Variants in CLMN observed in about 807,000 individuals in gnomAD.
CLMN encodes the protein calmin.
In CLMN, 57 loss-of-function variants were observed where a neutral mutation model predicts 92.7. The ratio of observed to expected loss-of-function variants is 0.61; its 90% CI spans 0.50 to 0.77. The LOEUF is 0.77. Ranked by LOEUF, CLMN falls within the 30% of genes least tolerant of loss-of-function variation. The probability of loss-of-function intolerance (pLI) is 0.00; values close to 1 mark genes in which losing one functional copy is unlikely to be tolerated. For missense variants in CLMN, 1,158 were observed against 1,237.5 expected (o/e 0.94, Z 0.96); for synonymous variants, 466 against 470.6 (o/e 0.99, Z 0.13).
Position 95,189,652 on chromosome 14 carries a change from C to A in CLMN, c.*1912G>T, listed in dbSNP as rs1172885368. The stretch of plus-strand genomic sequence containing the variant: ...CATTTGGGTTGGCTCTTCCCAGGCT[C>A]TTCGAGCATCTAATTTAGGCAAGGA... On this transcript the variant is annotated 3_prime_UTR_variant, in exon 13 of 13. Transcript: ENST00000298912. 1 of 152,228 alleles carries A rather than the reference C, an allele frequency of 6.6e-6. No homozygotes were observed. Among genetic ancestry groups the A allele is most frequent in the Non-Finnish European group, 1.5e-5 (1 of 68,056 alleles). The allele number at this position is 152,228 out of a possible 1,614,324, so 9.4% of individuals were successfully genotyped here. A position where few individuals can be genotyped will look rare whatever the true frequency, so the allele number is the denominator to read the frequency against.
At chr14:95,270,532 T>C (rs1309829995) in intron 1 of CLMN, among the ~76,000 whole-genome samples, 2 of 152,254 alleles carry the variant, frequency 1.3e-5, no homozygotes, top group Admixed American at 6.5e-5. Context: ...TGGAATCATA[T>C]AATATGTGGC....
At chr14:95,220,169 CTTTTTTTTTTT>C (rs767326601) in intron 4 of CLMN, among the ~76,000 whole-genome samples, 3 of 71,796 alleles carry the variant, frequency 4.2e-5, no homozygotes, top group Non-Finnish European at 7.3e-5. Flanking sequence ...GGATAGGTCC[CTTTTTTTTTTT>C]TTTTTTTTTT....
Position 95,215,740 on chromosome 14 carries a change from G to A in CLMN, c.325-7C>T. On this transcript the variant is annotated splice_polypyrimidine_tract_variant and splice_region_variant and intron_variant, in intron 4 of 12. Transcript: ENST00000298912. ...CAATGCTAACCAGTTTTACCTGGAG[G>A]GAAGCAATTTATGAACTTAAAGCGA... 6.2e-7 allele frequency: 1 copy of A among 1,611,802 alleles called. No homozygotes were observed. Among genetic ancestry groups the A allele is most frequent in the Non-Finnish European group, 8.5e-7 (1 of 1,178,056 alleles).
At chr14:95,290,688 C>T (rs545968243) in intron 1 of CLMN, among the ~76,000 whole-genome samples, 1 of 152,328 alleles carries the variant, frequency 6.6e-6, no homozygotes, top group East Asian at 1.9e-4. Flanking sequence ...TTCTGACCTC[C>T]AGAACTGTGA....
Position 95,191,790 on chromosome 14 carries a change from C to A in CLMN, c.2841-58G>T. ...CAAGCAGGTTCCCAGGAAAGTGGAC[C>A]CCACCCAGTGCTACCCGTCTCTCCC... On this transcript the variant is annotated intron_variant, in intron 12 of 12. Transcript: ENST00000298912. This position sits in a 1 kb window ranked among gnomAD's most constrained non-coding sequence, Gnocchi z 5.3. The A allele has an allele frequency of 2.0e-6, 3 of 1,523,674 alleles. No homozygotes were observed. Among genetic ancestry groups the A allele is most frequent in the Non-Finnish European group, 2.7e-6 (3 of 1,131,494 alleles). 94.4% of individuals were successfully genotyped at this position (1,523,674 alleles called of 1,614,324 possible).
At chr14:95,209,747 A>G (rs1897142534) in intron 7 of CLMN, among the ~76,000 whole-genome samples, 1 of 152,228 alleles carries the variant, frequency 6.6e-6, no homozygotes, top group Non-Finnish European at 1.5e-5. Flanking sequence ...TCCCTTCCAC[A>G]GTAAGCAGCC....
chr14:95,204,590 A>C, intron 8 of CLMN, 127 bp from the exon 9 acceptor site: 2 of 899,960 alleles, frequency 2.2e-6, no homozygotes, highest in Non-Finnish European at 3.2e-6. Context: ...CAAAACACAA[A>C]CAAACAAAAA....
intron 2 of CLMN, among the ~76,000 whole-genome samples, chr14:95,226,116 G>C (rs1184644660): frequency 3.3e-5 from 5 of 152,202 alleles, no homozygotes; most frequent in Admixed American, 3.3e-4. Context: ...GGCCTGTACA[G>C]TCACCCCTCA....
Position 95,191,594 on chromosome 14 carries a change from G to A in CLMN, c.2979C>T (p.Leu993=), listed in dbSNP as rs1391916217. ...GCCTGCTAACATCCAGTTGTGGGAAGAGCAGCAAGCAGTACACCAGGAGCC... is the reference window on the plus strand; with the variant it reads ...GCCTGCTAACATCCAGTTGTGGGAAAAGCAGCAAGCAGTACACCAGGAGCC... ...FLWLLVYCLL[L]FPQLDVSRL Residue 993 remains leucine (L), a synonymous_variant, in exon 13 of 13, where the codon CTC becomes CTT. Coordinates refer to ENST00000298912, the MANE Select transcript of CLMN (RefSeq NM_024734.4). The surrounding 1 kb of genome is among the most constrained non-coding windows in gnomAD (Gnocchi z 5.3). 2.5e-6 allele frequency: 4 copies of A among 1,613,332 alleles called. No homozygotes were observed. Among genetic ancestry groups the A allele is most frequent in the Non-Finnish European group, 3.4e-6 (4 of 1,179,808 alleles).
At position 95,194,337 on chromosome 14, in the gene CLMN, T is replaced by A; in HGVS notation, c.2769+199A>T. 1 of 1,429,958 alleles carries A rather than the reference T, an allele frequency of 7.0e-7. No individual in the cohort carries two copies. The highest frequency in any genetic ancestry group is 1.5e-5 in the South Asian group (1 of 64,956). The allele number at this position is 1,429,958 out of a possible 1,614,324, so 88.6% of individuals were successfully genotyped here. A position where few individuals can be genotyped will look rare whatever the true frequency, so the allele number is the denominator to read the frequency against. On this transcript the variant is annotated intron_variant, in intron 11 of 12. Transcript: ENST00000298912. The surrounding 1 kb of genome is among the most constrained non-coding windows in gnomAD (Gnocchi z 4.0). Reference sequence around the variant, plus strand: ...CCTTTGGGCTTTAAAATCCTCACTTTATTTACATCTCTTATTGCCCAAACC... The same window carrying A: ...CCTTTGGGCTTTAAAATCCTCACTTAATTTACATCTCTTATTGCCCAAACC...
chr14:95,227,731 C>A (rs1419282237), intron 2 of CLMN, among the ~76,000 whole-genome samples: 2 of 152,198 alleles, frequency 1.3e-5, no homozygotes, highest in Non-Finnish European at 2.9e-5. Flanking sequence ...CTGTGGGCTT[C>A]ATGAGATTGG....
Position 95,194,386 on chromosome 14 carries a change from AATGAT to A in CLMN, c.2769+145_2769+149del. ...CCGGATATCCGATCGGACTGTGCTTAATGATAAGGTTCCAATCTGCTTGTCTTCTA... is the reference window on the plus strand; with the variant it reads ...CCGGATATCCGATCGGACTGTGCTTAAAGGTTCCAATCTGCTTGTCTTCTA... On this transcript the variant is annotated intron_variant, in intron 11 of 12. Transcript: ENST00000298912. The surrounding 1 kb of genome is among the most constrained non-coding windows in gnomAD (Gnocchi z 4.0). The A allele has an allele frequency of 1.3e-6, 2 of 1,498,974 alleles. No individual in the cohort carries two copies. Among genetic ancestry groups the A allele is most frequent in the Admixed American group, 4.4e-5 (2 of 45,118 alleles). The allele number at this position is 1,498,974 out of a possible 1,614,324, so 92.9% of individuals were successfully genotyped here.
chr14:95,245,801 T>C (rs979713736), intron 1 of CLMN, among the ~76,000 whole-genome samples: 4 of 147,142 alleles, frequency 2.7e-5, no homozygotes. Context: ...GATTATTGGA[T>C]GGATGGATGG....
intron 9 of CLMN, 101 bp from the exon 10 acceptor site, chr14:95,196,795 C>A: frequency 8.9e-7 from 1 of 1,126,416 alleles, no homozygotes; most frequent in Non-Finnish European, 1.3e-6. Flanking sequence ...GCCAGGGCGT[C>A]CCTTCCAATT....
rs908925634 is a variant in CLMN at position 95,187,346 on chromosome 14, C to G, written c.*4218G>C. 2.6e-5 allele frequency: 4 copies of G among 152,218 alleles called. No homozygotes were observed. Among genetic ancestry groups the G allele is most frequent in the Non-Finnish European group, 5.9e-5 (4 of 68,070 alleles). The allele number at this position is 152,218 out of a possible 1,614,324, so 9.4% of individuals were successfully genotyped here. A position where few individuals can be genotyped will look rare whatever the true frequency, so the allele number is the denominator to read the frequency against. On this transcript the variant is annotated 3_prime_UTR_variant, in exon 13 of 13. Coordinates refer to ENST00000298912, the MANE Select transcript of CLMN (RefSeq NM_024734.4). Reference sequence around the variant, plus strand: ...ACAGAATACAGAAGAGAACAGTAAGCAAGAGCTAGCAACCTATTTATGCAG... The same window carrying G: ...ACAGAATACAGAAGAGAACAGTAAGGAAGAGCTAGCAACCTATTTATGCAG...
intron 1 of CLMN, among the ~76,000 whole-genome samples, chr14:95,311,533 C>T (rs539528287): frequency 3.5e-4 from 53 of 152,294 alleles, no homozygotes; most frequent in Middle Eastern, 3.4e-3. Context: ...TTTGTAAATT[C>T]CCCAAATCCT....
At position 95,259,859 on chromosome 14, in the gene CLMN, G is replaced by A. The variant is rs113690947; in HGVS notation, c.83-29726C>T. Among the ~76,000 whole-genome samples, 9,390 of 152,254 alleles carry A rather than the reference G, an allele frequency of 0.062. 385 individuals carry two copies. Among genetic ancestry groups the A allele is most frequent in the South Asian group, 0.094 (453 of 4,818 alleles). Reference sequence around the variant, plus strand: ...TTCCTCTCCCCACACCCACCTGGACGGCTATTCCCTTGCGCTTGGTGGCTC... The same window carrying A: ...TTCCTCTCCCCACACCCACCTGGACAGCTATTCCCTTGCGCTTGGTGGCTC... On this transcript the variant is annotated intron_variant, in intron 1 of 12. Transcript: ENST00000298912. The surrounding 1 kb of genome is among the most constrained non-coding windows in gnomAD (Gnocchi z 4.3).
chr14:95,218,756 C>G (rs1897433385), intron 4 of CLMN, among the ~76,000 whole-genome samples: 1 of 152,236 alleles, frequency 6.6e-6, no homozygotes, highest in Non-Finnish European at 1.5e-5. Context: ...CAGTGGGGCA[C>G]CAAGCTGACA....
intron 10 of CLMN, among the ~76,000 whole-genome samples, chr14:95,195,356 G>C (rs914085775): frequency 6.6e-6 from 1 of 152,212 alleles, no homozygotes; most frequent in Non-Finnish European, 1.5e-5. Context: ...GGACAGGCAC[G>C]CTGGGAGTCA....
Sources: gnomAD v4.1 joint callset for allele counts (sites outside exome capture counted in the v4.1 genomes callset) on GRCh38, gnomAD v4.1.1 for gene constraint, Gnocchi (gnomAD v3.1) non-coding constraint, MANE v1.5 for transcripts, NCBI Gene and HGNC (gene_info 2026-07-23, HGNC 2026-07-21) for gene names.